Variants in THAP4 observed in about 807,000 individuals in gnomAD.
THAP4 encodes peroxynitrite isomerase THAP4.
In THAP4, 18 loss-of-function variants were observed where a neutral mutation model predicts 48.1. The observed-to-expected ratio is 0.37, with a 90% CI of 0.26 to 0.56. THAP4 has a LOEUF of 0.56. Ranked by LOEUF, THAP4 falls within the 20% of genes least tolerant of loss-of-function variation. The probability of loss-of-function intolerance (pLI) is 0.78; values close to 1 mark genes in which losing one functional copy is unlikely to be tolerated. For synonymous variants in THAP4, 345 were observed against 324.9 expected (o/e 1.06, Z -0.66); for missense variants, 656 against 774.9 (o/e 0.85, Z 1.82).
Position 241,601,931 on chromosome 2 carries a change from T to C in THAP4, c.1579A>G (p.Arg527Gly). The C allele has an allele frequency of 6.2e-7, 1 of 1,613,784 alleles. No individual in the cohort carries two copies. Among genetic ancestry groups the C allele is most frequent in the Non-Finnish European group, 8.5e-7 (1 of 1,180,020 alleles). The change falls in exon 5 of 6, where the codon AGG (arginine) becomes GGG (glycine). Residue 527 changes from arginine to glycine, a missense_variant. Physicochemically the swap from Arg to Gly is moderately radical, Grantham distance 125. This residue lies in a region of THAP4 where 176 missense variants were observed against 256.7 expected (regional missense o/e 0.69). Transcript: ENST00000407315. The surrounding 1 kb of genome is among the most constrained non-coding windows in gnomAD (Gnocchi z 4.0). ...TGGGGCTCCTTGGCGAAGGAGATCC[T>C]GGCGATGGAGTGGGATGCGATGCAC... Reference protein sequence around the residue: ...ELCIASHSIARISFAKEPHVE... With the variant: ...ELCIASHSIAGISFAKEPHVE...
chr2:241,635,547 G>C (rs1191208605), intron 1 of THAP4, among the ~76,000 whole-genome samples: 2 of 152,274 alleles, frequency 1.3e-5, no homozygotes, highest in Admixed American at 1.3e-4. Flanking sequence ...TTGAGGTCAG[G>C]ACTTTGAGGC....
At chr2:241,590,558 AC>A (rs2066953169) in intron 5 of THAP4, among the ~76,000 whole-genome samples, 1 of 22,380 alleles carries the variant, frequency 4.5e-5, no homozygotes. Context: ...GACACTCAGA[AC>A]TGCCCGGCTG....
chr2:241,586,495 T>C (rs1462377841), intron 5 of THAP4, among the ~76,000 whole-genome samples: 1 of 151,838 alleles, frequency 6.6e-6, no homozygotes, highest in African/African-American at 2.4e-5. Flanking sequence ...TTTTCACACA[T>C]ATTGTCTAGA....
intron 2 of THAP4, among the ~76,000 whole-genome samples, chr2:241,619,662 G>C (rs2067386379): frequency 6.6e-6 from 1 of 152,228 alleles, no homozygotes; most frequent in Non-Finnish European, 1.5e-5. Context: ...TGGGTGAGTT[G>C]GTGAGTAAGT....
chr2:241,636,054 A>G (rs1010758997), intron 1 of THAP4, among the ~76,000 whole-genome samples: 3 of 152,240 alleles, frequency 2.0e-5, no homozygotes, highest in Admixed American at 1.3e-4. Context: ...AAACAATAAC[A>G]AAACTTCTAG....
rs1354608963 is a variant in THAP4 at position 241,614,908 on chromosome 2, AAAACAAAAACAAAACTAAGG to A, written c.1241-8455_1241-8436del. 6.7e-4 allele frequency among the ~76,000 whole-genome samples: 102 copies of A among 152,134 alleles called. 1 individual carries two copies. The highest frequency in any genetic ancestry group is 5.8e-3 in the Admixed American group (88 of 15,262). ...CCATCTCAAAACAAAAACAAAAACA[AAAACAAAAACAAAACTAAGG>A]AATGCCTTCTTCAAGTTCCTCTGGA... On this transcript the variant is annotated intron_variant, in intron 2 of 5. Coordinates refer to ENST00000407315, the MANE Select transcript of THAP4 (RefSeq NM_015963.6).
At chr2:241,625,797 CAAAAAAAAA>C (rs147602587) in intron 2 of THAP4, among the ~76,000 whole-genome samples, 67 of 50,158 alleles carry the variant, frequency 1.3e-3, no homozygotes, top group African/African-American at 2.0e-3. Context: ...GACTCCGTCT[CAAAAAAAAA>C]AAAAAAAAAA....
intron 2 of THAP4, among the ~76,000 whole-genome samples, chr2:241,627,731 G>A (rs143195165): frequency 6.6e-6 from 1 of 152,210 alleles, no homozygotes; most frequent in Non-Finnish European, 1.5e-5. Flanking sequence ...CCCAGGGCCT[G>A]CGACGCCGGC....
chr2:241,597,896 CCTCT>C (rs1192808997), intron 5 of THAP4, among the ~76,000 whole-genome samples: 2 of 152,078 alleles, frequency 1.3e-5, no homozygotes, highest in African/African-American at 2.4e-5. Flanking sequence ...CTGTCTCCTC[CCTCT>C]ATTTGCAGAA....
intron 2 of THAP4, among the ~76,000 whole-genome samples, chr2:241,628,897 G>GA (rs1455515500): frequency 8.5e-6 from 1 of 117,502 alleles, no homozygotes; most frequent in African/African-American, 3.3e-5. Context: ...ACGAGATCAT[G>GA]CCACTGCACT....
chr2:241,604,159 C>T (rs967252399), intron 3 of THAP4, among the ~76,000 whole-genome samples: 16 of 152,124 alleles, frequency 1.1e-4, no homozygotes, highest in African/African-American at 2.9e-4. Flanking sequence ...GTGAAACCTC[C>T]GCTTCCTGGG....
chr2:241,637,330 C>T (rs1313601470), upstream of THAP4: 33 of 1,262,452 alleles, frequency 2.6e-5, no homozygotes, highest in Non-Finnish European at 3.3e-5. Context: ...CAAGTCCGTA[C>T]CGCGACATGG....
At chr2:241,632,876 A>T in intron 2 of THAP4, 41 bp downstream of exon 2, 1 of 1,472,930 alleles carries the variant, frequency 6.8e-7, no homozygotes, top group Non-Finnish European at 9.1e-7. Flanking sequence ...AACCCCTCCT[A>T]ACGGGAAGGG....
intron 2 of THAP4, among the ~76,000 whole-genome samples, chr2:241,626,815 C>T (rs757242057): frequency 1.3e-5 from 2 of 152,166 alleles, no homozygotes; most frequent in South Asian, 2.1e-4. Flanking sequence ...CTGCCTGCCT[C>T]GGCCTCCCAA....
chr2:241,602,903 C>G, intron 4 of THAP4, 67 bp downstream of exon 4: 1 of 1,232,208 alleles, frequency 8.1e-7, no homozygotes, highest in Non-Finnish European at 1.2e-6. Flanking sequence ...CATCCCTGCA[C>G]CCCTGCTTCG....
rs750894582 is a variant in THAP4 at position 241,633,470 on chromosome 2, G to A, written c.687C>T (p.Cys229=). ...ACGAATGAAGTGAGCCGATAAATTT[G>A]CACGCCCCAGATCCTGGGGGCGTAA... ...DDFTPPGSGA[C]KFIGSLHSYS... Residue 229 remains cysteine, a synonymous_variant, in exon 2 of 6, where the codon TGC becomes TGT. Transcript: ENST00000407315. This position sits in a 1 kb window ranked among gnomAD's most constrained non-coding sequence, Gnocchi z 7.5. The A allele has an allele frequency of 6.2e-7, 1 of 1,614,054 alleles. No individual in the cohort carries two copies. Among genetic ancestry groups the A allele is most frequent in the Non-Finnish European group, 8.5e-7 (1 of 1,180,012 alleles).
intron 5 of THAP4, among the ~76,000 whole-genome samples, chr2:241,593,513 C>T (rs749487869): frequency 2.6e-5 from 4 of 152,224 alleles, no homozygotes; most frequent in Non-Finnish European, 5.9e-5. Flanking sequence ...GGACCCGACA[C>T]AGCCGACCCA....
At chr2:241,602,061 A>AC in intron 4 of THAP4, 62 bp from the exon 5 acceptor site, 1 of 1,531,868 alleles carries the variant, frequency 6.5e-7, no homozygotes. Flanking sequence ...GGCAGCCTTG[A>AC]CTCTCCTTGC....
In THAP4 at chr2:241,601,775, A is replaced by G; in HGVS notation, c.1614+121T>C. On this transcript the variant is annotated intron_variant, in intron 5 of 5. Coordinates refer to ENST00000407315, the MANE Select transcript of THAP4 (RefSeq NM_015963.6). The surrounding 1 kb of genome is among the most constrained non-coding windows in gnomAD (Gnocchi z 4.0). ...GAGAAGGGAAAAGAAGGAGACAGTG[A>G]AGACAGGCCTGTGAGACACAGTGGC... is the stretch of plus-strand genomic sequence containing the variant. The G allele has an allele frequency of 6.5e-7, 1 of 1,531,260 alleles. No individual in the cohort carries two copies. The allele number at this position is 1,531,260 out of a possible 1,614,324, so 94.9% of individuals were successfully genotyped here.
Sources: gnomAD v4.1 joint callset for allele counts (sites outside exome capture counted in the v4.1 genomes callset) on GRCh38, gnomAD v4.1.1 for gene constraint, gnomAD v4.1.1 regional missense constraint, Gnocchi (gnomAD v3.1) non-coding constraint, MANE v1.5 for transcripts, NCBI Gene and HGNC (gene_info 2026-07-23, HGNC 2026-07-21) for gene names.